ADNP: variants seen among roughly 807,000 people sequenced by gnomAD.
The protein encoded by ADNP is activity dependent neuroprotector homeobox.
ADNP carries 4 observed loss-of-function variants against 84.9 expected under a neutral mutation model. That is an observed-to-expected ratio of 0.05 (90% confidence interval 0.02 to 0.11). The LOEUF is 0.11. Ranked by LOEUF, ADNP falls within the 10% of genes least tolerant of loss-of-function variation. The pLI, the probability that ADNP is intolerant of heterozygous loss-of-function variation, is 1.00. For missense variants in ADNP, 1,132 were observed against 1,326.0 expected, an observed-to-expected ratio of 0.85 and a Z score of 2.27; for synonymous variants, 554 against 468.1, an observed-to-expected ratio of 1.18 and a Z score of -2.37.
intron 2 of ADNP, among the ~76,000 whole-genome samples, chr20:50,905,779 TAC>T (rs1982418405): frequency 6.6e-6 from 1 of 152,232 alleles, no homozygotes; most frequent in African/African-American, 2.4e-5. Context: ...TGAAGCCAAC[TAC>T]AGACTTAGAA....
chr20:50,917,724 T>C lies in ADNP; in HGVS notation c.-90+10927A>G, dbSNP rs570586098. On this transcript the variant is annotated intron_variant, in intron 2 of 5. Transcript: ENST00000621696. Reference sequence around the variant, plus strand: ...AAGTCCAAAAAGTTACATAAGCAATTGGGAAGCGGGAACACAGGACCACAC... The same window carrying C: ...AAGTCCAAAAAGTTACATAAGCAATCGGGAAGCGGGAACACAGGACCACAC... Among the ~76,000 whole-genome samples the C allele has an allele frequency of 1.4e-4, 22 of 152,214 alleles. No homozygotes were observed. In the South Asian group the frequency reaches 4.6e-3, roughly 32 times the overall value.
intron 2 of ADNP, among the ~76,000 whole-genome samples, chr20:50,914,590 T>C (rs1408887812): frequency 6.6e-6 from 1 of 152,234 alleles, no homozygotes; most frequent in African/African-American, 2.4e-5. Flanking sequence ...ACTGAGTAAC[T>C]GCTGACTGTT....
In ADNP at chr20:50,891,310, C is replaced by T; in HGVS notation, c.*95G>A. The T allele has an allele frequency of 2.8e-6, 4 of 1,452,390 alleles. No homozygotes were observed. Among genetic ancestry groups the T allele is most frequent in the Non-Finnish European group, 3.6e-6 (4 of 1,109,404 alleles). 90.0% of individuals were successfully genotyped at this position (1,452,390 alleles called of 1,614,324 possible). On this transcript the variant is annotated 3_prime_UTR_variant, in exon 6 of 6. Transcript: ENST00000621696. Reference sequence around the variant, plus strand: ...CATGCCCCACAGTCCAACCAGTACTCACAAGGCAGTACCAGTGAGAAGACA... The same window carrying T: ...CATGCCCCACAGTCCAACCAGTACTTACAAGGCAGTACCAGTGAGAAGACA...
chr20:50,892,131 A>C lies in ADNP; in HGVS notation c.2583T>G (p.Thr861=), dbSNP rs1271827494. 5.0e-6 allele frequency: 8 copies of C among 1,614,150 alleles called. No homozygotes were observed. The highest frequency in any genetic ancestry group is 6.8e-6 in the Non-Finnish European group (8 of 1,180,032). The change falls in exon 6 of 6, where the codon ACT becomes ACG. Residue 861 remains threonine (T), a synonymous_variant. Transcript: ENST00000621696. ...EKDSRVNASK[T]ADKKLNLGKE... The stretch of plus-strand genomic sequence containing the variant: ...TCCCAAGGTTGAGCTTTTTGTCAGC[A>C]GTCTTACTAGCATTGACTCTGGAAT...
chr20:50,925,291 C>CACA (rs58814962), intron 2 of ADNP, among the ~76,000 whole-genome samples: 1 of 150,112 alleles, frequency 6.7e-6, no homozygotes, highest in Non-Finnish European at 1.5e-5. Flanking sequence ...CACACACACA[C>CACA]TACATAATCA....
intron 4 of ADNP, among the ~76,000 whole-genome samples, chr20:50,903,044 A>G (rs1455462006): frequency 6.6e-6 from 1 of 152,222 alleles, no homozygotes; most frequent in African/African-American, 2.4e-5. Context: ...TTGCTTTTTT[A>G]CTTCCAATTC....
chr20:50,889,392 T>G lies in ADNP; in HGVS notation c.*2013A>C, dbSNP rs1372862336. 6.6e-6 allele frequency: 1 copy of G among 152,616 alleles called. No homozygotes were observed. Among genetic ancestry groups the G allele is most frequent in the African/African-American group, 2.4e-5 (1 of 41,466 alleles). 9.5% of individuals were successfully genotyped at this position (152,616 alleles called of 1,614,324 possible). Reference sequence around the variant, plus strand: ...TCTGTAGTATCTTAATTTGGGGACATCCTGTCCTAAGTTTTGGCTGGTGCA... The same window carrying G: ...TCTGTAGTATCTTAATTTGGGGACAGCCTGTCCTAAGTTTTGGCTGGTGCA... On this transcript the variant is annotated 3_prime_UTR_variant, in exon 6 of 6. Transcript: ENST00000621696.
chr20:50,909,203 A>T (rs889688607), intron 2 of ADNP, among the ~76,000 whole-genome samples: 1 of 151,888 alleles, frequency 6.6e-6, no homozygotes, highest in Admixed American at 6.6e-5. Flanking sequence ...CGTCTCTGCT[A>T]AAAATACAAA....
chr20:50,898,194 A>T (rs980398825), intron 5 of ADNP, among the ~76,000 whole-genome samples: 1 of 152,232 alleles, frequency 6.6e-6, no homozygotes, highest in Non-Finnish European at 1.5e-5. Flanking sequence ...CAGCTTATCT[A>T]GAGTTTCCCA....
rs150489825 is a variant in ADNP at position 50,890,131 on chromosome 20, TAAAAAAA to T, written c.*1267_*1273del. On this transcript the variant is annotated 3_prime_UTR_variant, in exon 6 of 6. Transcript: ENST00000621696. ...AACTCAAGGGTGTTTGTTTTTCAGT[TAAAAAAA>T]AAAAAAAAAAAAAAAAAAAAAAAGA... 283 of 81,200 alleles carry T rather than the reference TAAAAAAA, an allele frequency of 3.5e-3. 1 individual carries two copies. Among genetic ancestry groups the T allele is most frequent in the East Asian group, 7.7e-3 (22 of 2,856 alleles). 5.0% of individuals were successfully genotyped at this position (81,200 alleles called of 1,614,324 possible).
chr20:50,915,749 T>C (rs139453063), intron 2 of ADNP, among the ~76,000 whole-genome samples: 3 of 152,288 alleles, frequency 2.0e-5, no homozygotes, highest in East Asian at 3.9e-4. Context: ...TCCTCTTTCC[T>C]TAAGTTTACT....
At position 50,907,039 on chromosome 20, in the gene ADNP, C is replaced by T. The variant is rs370853040; in HGVS notation, c.-89-2190G>A. Among the ~76,000 whole-genome samples, 9 of 141,566 alleles carry T rather than the reference C, an allele frequency of 6.4e-5. No homozygotes were observed. The East Asian group carries it at 1.3e-3, about 21-fold the overall frequency. 92.9% of individuals were successfully genotyped at this position (141,566 alleles called of 152,430 possible). ...CTGGAGTGCAGTGTCACGATCTTGG[C>T]TCACTGCAAGCTCCGCCTCCCAGGT... On this transcript the variant is annotated intron_variant, in intron 2 of 5. Transcript: ENST00000621696.
chr20:50,911,233 T>C (rs1332590108), intron 2 of ADNP, among the ~76,000 whole-genome samples: 1 of 152,122 alleles, frequency 6.6e-6, no homozygotes, highest in Non-Finnish European at 1.5e-5. Flanking sequence ...TCCCATCTAT[T>C]TTTGGTTTTG....
Position 50,893,613 on chromosome 20 carries a change from C to G in ADNP, c.1101G>C (p.Lys367Asn). The G allele has an allele frequency of 6.2e-7, 1 of 1,614,164 alleles. No homozygotes were observed. The highest frequency in any genetic ancestry group is 8.5e-7 in the Non-Finnish European group (1 of 1,180,040). ...VSIPQQSQSV[K>N]QLLPSGNGRS... ...TTCCGTTTCCACTTGGAAGTAACTG[C>G]TTTACAGACTGAGATTGTTGAGGAA... The change falls in exon 6 of 6, where the codon AAG becomes AAC. Residue 367 changes from lysine to asparagine, a missense_variant. Around this residue, in one of 10 missense-constraint regions of ADNP, gnomAD observed 239 missense variants for 213.2 expected, o/e 1.12. Transcript: ENST00000621696. This position sits in a 1 kb window ranked among gnomAD's most constrained non-coding sequence, Gnocchi z 4.4.
intron 5 of ADNP, among the ~76,000 whole-genome samples, chr20:50,895,059 C>G (rs983416556): frequency 6.6e-6 from 1 of 152,098 alleles, no homozygotes; most frequent in African/African-American, 2.4e-5. Flanking sequence ...CACATTTTAG[C>G]TAAACCAAAG....
chr20:50,894,596 A>G, intron 5 of ADNP, 84 bp from the exon 6 acceptor site: 5 of 1,438,628 alleles, frequency 3.5e-6, no homozygotes, highest in Non-Finnish European at 4.7e-6. Context: ...GATATTCTTA[A>G]TAATGCATTG....
chr20:50,909,363 C>CAAAAAAAAAAAAAAAAAAAAAAAA (rs3069819), intron 2 of ADNP: 9 of 44,356 alleles, frequency 2.0e-4, no homozygotes, highest in Admixed American at 8.6e-4. Context: ...AAAACTGTCT[C>CAAAAAAAAAAAAAAAAAAAAAAAA]AAAAAAAAAA....
At chr20:50,925,521 C>G (rs1325701571) in intron 2 of ADNP, among the ~76,000 whole-genome samples, 1 of 152,132 alleles carries the variant, frequency 6.6e-6, no homozygotes, top group Non-Finnish European at 1.5e-5. Flanking sequence ...CAGGATCAGA[C>G]AAACAACAAA....
chr20:50,920,718 C>G (rs967058352), intron 2 of ADNP, among the ~76,000 whole-genome samples: 9 of 151,992 alleles, frequency 5.9e-5, no homozygotes, highest in Non-Finnish European at 1.3e-4. Context: ...TAATAGGATA[C>G]TGGGGTAAGA....
Sources: gnomAD v4.1 joint callset for allele counts (sites outside exome capture counted in the v4.1 genomes callset) on GRCh38, gnomAD v4.1.1 for gene constraint, gnomAD v4.1.1 regional missense constraint, Gnocchi (gnomAD v3.1) non-coding constraint, MANE v1.5 for transcripts, NCBI Gene and HGNC (gene_info 2026-07-23, HGNC 2026-07-21) for gene names.